Variants in KCNU1 observed in about 807,000 individuals in gnomAD.
The protein encoded by KCNU1 is potassium calcium-activated channel subfamily U member 1.
In KCNU1, 93 loss-of-function variants were observed where a neutral mutation model predicts 126.8. The observed-to-expected ratio is 0.73, with a 90% CI of 0.62 to 0.87. The LOEUF (loss-of-function observed/expected upper bound fraction) is 0.87. Among genes scored for constraint, KCNU1 ranks in the 40% least tolerant of loss-of-function variants. The pLI, the probability that KCNU1 is intolerant of heterozygous loss-of-function variation, is 0.00. For synonymous variants in KCNU1, 523 were observed against 494.2 expected (o/e 1.06, Z -0.77); for missense variants, 1,330 against 1,367.1 (o/e 0.97, Z 0.43).
At chr8:36,909,662 A>G (rs906768958) in intron 21 of KCNU1, 127 bp downstream of exon 21, 1 of 629,908 alleles carries the variant, frequency 1.6e-6, no homozygotes. Context: ...TAAATATTTT[A>G]CCTATATTAA....
At chr8:36,856,517 A>G (rs756737389) in intron 18 of KCNU1, among the ~76,000 whole-genome samples, 3 of 152,140 alleles carry the variant, frequency 2.0e-5, no homozygotes, top group Non-Finnish European at 4.4e-5. Flanking sequence ...GAAGCTTTTG[A>G]TGTTGCTCAT....
At chr8:36,806,189 C>A (rs1289470178) in intron 4 of KCNU1, 80 bp from the exon 5 acceptor site, 16 of 758,290 alleles carry the variant, frequency 2.1e-5, no homozygotes, top group South Asian at 1.5e-4. Context: ...AAGTAAAATG[C>A]AGCTGAATAA....
intron 19 of KCNU1, among the ~76,000 whole-genome samples, chr8:36,897,347 C>A (rs1390043666): frequency 2.0e-5 from 3 of 151,858 alleles, no homozygotes; most frequent in African/African-American, 7.3e-5. Flanking sequence ...TCTCTCCCCC[C>A]ATAAATGGCT....
At chr8:36,919,349 G>T (rs764038291) in intron 23 of KCNU1, among the ~76,000 whole-genome samples, 1 of 148,530 alleles carries the variant, frequency 6.7e-6, no homozygotes, top group Non-Finnish European at 1.5e-5. Context: ...CTCACCCTTG[G>T]TGTCTCCAAA....
intron 19 of KCNU1, among the ~76,000 whole-genome samples, chr8:36,892,453 T>G (rs1807002236): frequency 6.6e-6 from 1 of 151,926 alleles, no homozygotes; most frequent in Admixed American, 6.6e-5. Context: ...GCCTAGAAAG[T>G]CTGGGCTTCC....
intron 19 of KCNU1, among the ~76,000 whole-genome samples, chr8:36,876,160 G>A (rs925439624): frequency 2.6e-5 from 4 of 151,992 alleles, no homozygotes; most frequent in Admixed American, 2.0e-4. Flanking sequence ...CAAACTAATC[G>A]ATTTCCATCA....
In KCNU1 at chr8:36,858,176, C is replaced by CAAAA. The variant is rs67265944; in HGVS notation, c.1892-6208_1892-6205dup. Among the ~76,000 whole-genome samples, 259 of 73,022 alleles carry CAAAA rather than the reference C, an allele frequency of 3.5e-3. 6 individuals carry two copies. The highest frequency in any genetic ancestry group is 0.014 in the African/African-American group (237 of 17,254). The allele number at this position is 73,022 out of a possible 152,430, so 47.9% of individuals were successfully genotyped here. ...AAGTCTAAGACAATTTCAAGGATGG[C>CAAAA]AAAAAAAAAAAAAAAAAAAAAAACT... On this transcript the variant is annotated intron_variant, in intron 18 of 26. Coordinates refer to ENST00000399881, the MANE Select transcript of KCNU1 (RefSeq NM_001031836.3).
At chr8:36,913,607 T>TA (rs1807975272) in intron 22 of KCNU1, among the ~76,000 whole-genome samples, 1 of 151,002 alleles carries the variant, frequency 6.6e-6, no homozygotes, top group South Asian at 2.1e-4. Context: ...CACATTTTTT[T>TA]TTTTTTTTTT....
At chr8:36,859,328 G>A (rs760000268) in intron 18 of KCNU1, among the ~76,000 whole-genome samples, 11 of 152,136 alleles carry the variant, frequency 7.2e-5, no homozygotes, top group Non-Finnish European at 1.5e-4. Context: ...CAATTATCAG[G>A]TTGAATATTT....
chr8:36,810,265 GTAGCTTCTCCCTA>G (rs1193193752), intron 7 of KCNU1, among the ~76,000 whole-genome samples: 2 of 144,340 alleles, frequency 1.4e-5, no homozygotes, highest in Non-Finnish European at 3.0e-5. Context: ...AAAAAAAAAA[GTAGCTTCTCCCTA>G]TAGCTTCTCC....
chr8:36,889,035 T>G (rs1017894287), intron 19 of KCNU1: 7 of 468,126 alleles, frequency 1.5e-5, no homozygotes, highest in African/African-American at 7.9e-5. Context: ...TACACCACCA[T>G]GCCCAGCTAA....
chr8:36,881,796 TCACACACACA>T (rs10522369), intron 19 of KCNU1, among the ~76,000 whole-genome samples: 18,761 of 138,806 alleles, frequency 0.14, 1,468 homozygotes, highest in South Asian at 0.28. Flanking sequence ...AAAAGTCAAA[TCACACACACA>T]CACACACACA....
intron 24 of KCNU1, among the ~76,000 whole-genome samples, chr8:36,923,236 C>T (rs1198328949): frequency 6.6e-6 from 1 of 152,158 alleles, no homozygotes; most frequent in African/African-American, 2.4e-5. Flanking sequence ...CTACTCTGCA[C>T]AGGGCACTGT....
intron 21 of KCNU1, 65 bp from the exon 22 acceptor site, chr8:36,910,865 C>A: frequency 8.5e-7 from 1 of 1,174,386 alleles, no homozygotes. Context: ...AGAGCCACCA[C>A]CATGAGCCAT....
At chr8:36,935,447 G>A (rs952311287) in intron 26 of KCNU1, 68 bp from the exon 27 acceptor site, 16 of 1,262,442 alleles carry the variant, frequency 1.3e-5, no homozygotes, top group Non-Finnish European at 1.8e-5. Context: ...CTCTTTATTT[G>A]GGTCACTGCC....
intron 6 of KCNU1, 105 bp downstream of exon 6, chr8:36,807,555 G>A: frequency 1.2e-6 from 1 of 847,014 alleles, no homozygotes; most frequent in Non-Finnish European, 2.0e-6. Context: ...GAATTTCAGT[G>A]CAAAGATCAT....
intron 19 of KCNU1, among the ~76,000 whole-genome samples, chr8:36,901,800 A>G (rs1807430153): frequency 6.6e-6 from 1 of 152,048 alleles, no homozygotes; most frequent in Admixed American, 6.6e-5. Flanking sequence ...CATCCTGCTG[A>G]AGGCCACCCC....
chr8:36,920,609 T>G (rs1263529849), intron 23 of KCNU1, among the ~76,000 whole-genome samples: 1 of 152,114 alleles, frequency 6.6e-6, no homozygotes, highest in African/African-American at 2.4e-5. Context: ...CTGTACCACT[T>G]TGGTACAGAA....
intron 19 of KCNU1, among the ~76,000 whole-genome samples, chr8:36,895,425 A>T (rs1807150917): frequency 6.6e-6 from 1 of 152,058 alleles, no homozygotes; most frequent in Admixed American, 6.6e-5. Context: ...ATGTTTCTGA[A>T]TAAGAAGAAC....
Sources: allele counts gnomAD v4.1 joint callset (sites outside exome capture counted in the v4.1 genomes callset), GRCh38; gene constraint gnomAD v4.1.1; transcripts MANE v1.5; gene names NCBI Gene and HGNC (gene_info 2026-07-23, HGNC 2026-07-21).